Variants in RAB23 observed in about 807,000 individuals in gnomAD.
RAB23 encodes RAB23, member RAS oncogene family, also known as ras-related protein Rab-23.
In RAB23, 15 loss-of-function variants were observed where a neutral mutation model predicts 30.0. The observed-to-expected ratio is 0.50, with a 90% CI of 0.33 to 0.77. The LOEUF (loss-of-function observed/expected upper bound fraction) is 0.77, where lower values mean the gene tolerates loss of function less well. RAB23 is among the 30% of genes least tolerant of loss of function. The probability of loss-of-function intolerance (pLI) is 0.02; values close to 1 mark genes in which losing one functional copy is unlikely to be tolerated. For missense variants in RAB23, 243 were observed against 275.4 expected (o/e 0.88, Z 0.83); for synonymous variants, 93 against 94.0 (o/e 0.99, Z 0.06).
chr6:57,219,321 C>T (rs1198250676), intron 1 of RAB23, among the ~76,000 whole-genome samples: 3 of 152,092 alleles, frequency 2.0e-5, no homozygotes, highest in Non-Finnish European at 4.4e-5. Context: ...AAACACTAAA[C>T]AAATCAAAGA....
In RAB23 at chr6:57,188,498, CAT is replaced by C. The variant is rs1042798859; in HGVS notation, c.*1961_*1962del. 3.3e-5 allele frequency: 5 copies of C among 152,016 alleles called. No individual in the cohort carries two copies. Among genetic ancestry groups the C allele is most frequent in the Non-Finnish European group, 5.9e-5 (4 of 67,994 alleles). The allele number at this position is 152,016 out of a possible 1,614,324, so 9.4% of individuals were successfully genotyped here. A position where few individuals can be genotyped will look rare whatever the true frequency, so the allele number is the denominator to read the frequency against. On this transcript the variant is annotated 3_prime_UTR_variant, in exon 7 of 7. Coordinates refer to ENST00000468148, the MANE Select transcript of RAB23 (RefSeq NM_016277.5). Reference sequence around the variant, plus strand: ...ACATGAAAAAGAACTAACTAGAACACATATAACAAGTGATTTTTCTGCCAATA... The same window carrying C: ...ACATGAAAAAGAACTAACTAGAACACATAACAAGTGATTTTTCTGCCAATA...
intron 3 of RAB23, among the ~76,000 whole-genome samples, chr6:57,200,421 C>T (rs1220966486): frequency 1.3e-5 from 2 of 149,930 alleles, no homozygotes; most frequent in East Asian, 3.9e-4. Flanking sequence ...CCTGTAGTCC[C>T]AGCTACTTGG....
intron 1 of RAB23, among the ~76,000 whole-genome samples, chr6:57,211,685 CAAAT>C (rs909324246): frequency 2.0e-5 from 3 of 152,140 alleles, no homozygotes; most frequent in African/African-American, 7.2e-5. Context: ...GAATCCTGTA[CAAAT>C]AAATATCTTA....
chr6:57,191,336 A>C (rs1342557684), intron 6 of RAB23, among the ~76,000 whole-genome samples: 1 of 152,230 alleles, frequency 6.6e-6, no homozygotes, highest in Admixed American at 6.5e-5. Context: ...ATATAAGCTA[A>C]AATGCATATA....
intron 1 of RAB23, among the ~76,000 whole-genome samples, chr6:57,211,563 C>T (rs765410511): frequency 2.2e-4 from 34 of 152,186 alleles, no homozygotes; most frequent in Non-Finnish European, 4.4e-4. Context: ...TTCAACCTCA[C>T]AGGTAATAAT....
chr6:57,188,862 C>T lies in RAB23; in HGVS notation c.*1599G>A, dbSNP rs1021199070. The T allele has an allele frequency of 3.3e-5, 5 of 151,854 alleles. No individual in the cohort carries two copies. The highest frequency in any genetic ancestry group is 3.3e-4 in the Admixed American group (5 of 15,230). The allele number at this position is 151,854 out of a possible 1,614,324, so 9.4% of individuals were successfully genotyped here. A position where few individuals can be genotyped will look rare whatever the true frequency, so the allele number is the denominator to read the frequency against. On this transcript the variant is annotated 3_prime_UTR_variant, in exon 7 of 7. Coordinates refer to ENST00000468148, the MANE Select transcript of RAB23 (RefSeq NM_016277.5). ...CTTTTGATCACTTAACAAGGACACA[C>T]CCAGGAAATTTGATTTTCTCAACAT...
Position 57,206,327 on chromosome 6 carries a change from G to A in RAB23, c.241+1301C>T, listed in dbSNP as rs182492203. Among the ~76,000 whole-genome samples, 22 of 152,260 alleles carry A rather than the reference G, an allele frequency of 1.4e-4. No individual in the cohort carries two copies. In the East Asian group the frequency reaches 2.7e-3, roughly 19 times the overall value. ...AAGCTCTCGATGGTTTCAAGACAGC[G>A]TCTGGATATTAAAGTTAGCAAGCCA... On this transcript the variant is annotated intron_variant, in intron 3 of 6. Transcript: ENST00000468148.
chr6:57,202,607 C>A (rs1027818256), intron 3 of RAB23, among the ~76,000 whole-genome samples: 3 of 152,124 alleles, frequency 2.0e-5, no homozygotes, highest in African/African-American at 7.2e-5. Flanking sequence ...ACCGGTACCA[C>A]ACAGGGAAGA....
chr6:57,219,178 T>C (rs983554045), intron 1 of RAB23, among the ~76,000 whole-genome samples: 1 of 152,248 alleles, frequency 6.6e-6, no homozygotes, highest in African/African-American at 2.4e-5. Context: ...TTCAATTGTA[T>C]TTCTGTGTAC....
chr6:57,207,673 C>CA lies in RAB23; in HGVS notation c.195dup (p.Ala66CysfsTer7). The CA allele has an allele frequency of 6.2e-7, 1 of 1,605,844 alleles. No individual in the cohort carries two copies. The highest frequency in any genetic ancestry group is 1.1e-5 in the South Asian group (1 of 90,838). On this transcript the variant is annotated frameshift_variant, in exon 3 of 7. Transcript: ENST00000468148. LOFTEE classifies it high-confidence loss of function. ...ATTGCATCAAATTCCTCCTGACCTG[C>CA]AGTGTCCCATAACATTAGTCTGACA...
At chr6:57,208,365 C>T (rs956258709) in intron 2 of RAB23, among the ~76,000 whole-genome samples, 1 of 151,822 alleles carries the variant, frequency 6.6e-6, no homozygotes, top group Admixed American at 6.6e-5. Flanking sequence ...AGCAATTTAC[C>T]GCCAGTCACG....
chr6:57,197,192 A>G (rs554785682), intron 3 of RAB23, among the ~76,000 whole-genome samples: 4 of 152,268 alleles, frequency 2.6e-5, no homozygotes, highest in Non-Finnish European at 4.4e-5. Context: ...GATCCTAAGG[A>G]ACATAATTTG....
At chr6:57,196,057 C>G (rs994895562) in intron 4 of RAB23, among the ~76,000 whole-genome samples, 1 of 151,982 alleles carries the variant, frequency 6.6e-6, no homozygotes, top group African/African-American at 2.4e-5. Context: ...TGAATCTGAA[C>G]CCTTAATTAA....
At chr6:57,221,426 G>C (rs1242704498) in intron 1 of RAB23, 1 of 152,274 alleles carries the variant, frequency 6.6e-6, no homozygotes, top group African/African-American at 2.4e-5. Flanking sequence ...GCACAATTTG[G>C]CTCATTCATA....
At chr6:57,191,275 T>C (rs2127996672) in intron 6 of RAB23, among the ~76,000 whole-genome samples, 1 of 152,270 alleles carries the variant, frequency 6.6e-6, no homozygotes, top group South Asian at 2.1e-4. Context: ...ACCCCTAAGG[T>C]ACGCATGTTA....
In RAB23 at chr6:57,188,442, G is replaced by A. The variant is rs892411267; in HGVS notation, c.*2019C>T. 2.6e-5 allele frequency: 4 copies of A among 152,036 alleles called. No individual in the cohort carries two copies. The highest frequency in any genetic ancestry group is 4.4e-5 in the Non-Finnish European group (3 of 67,992). 9.4% of individuals were successfully genotyped at this position (152,036 alleles called of 1,614,324 possible). A position where few individuals can be genotyped will look rare whatever the true frequency, so the allele number is the denominator to read the frequency against. On this transcript the variant is annotated 3_prime_UTR_variant, in exon 7 of 7. Coordinates refer to ENST00000468148, the MANE Select transcript of RAB23 (RefSeq NM_016277.5). ...TCAGAGATTACTTTTTTTAAATATAGAAAGGTAACACGCTTTTAGCCACAC... is the reference window on the plus strand; with the variant it reads ...TCAGAGATTACTTTTTTTAAATATAAAAAGGTAACACGCTTTTAGCCACAC...
intron 3 of RAB23, among the ~76,000 whole-genome samples, chr6:57,200,645 G>C (rs12211611): frequency 0.24 from 36,453 of 151,508 alleles, 4,785 homozygotes; most frequent in African/African-American, 0.36. Context: ...ATCACCACCT[G>C]CTTCATCTCA....
chr6:57,196,763 CTTCTT>C (rs749011689), intron 3 of RAB23, among the ~76,000 whole-genome samples, 157 bp from the exon 4 acceptor site: 66 of 152,294 alleles, frequency 4.3e-4, no homozygotes, highest in East Asian at 9.6e-4. Flanking sequence ...TTGTACTACT[CTTCTT>C]TACTTTTCAA....
chr6:57,189,326 T>G lies in RAB23; in HGVS notation c.*1135A>C, dbSNP rs1764741719. 1 of 152,236 alleles carries G rather than the reference T, an allele frequency of 6.6e-6. No homozygotes were observed. Among genetic ancestry groups the G allele is most frequent in the Non-Finnish European group, 1.5e-5 (1 of 68,030 alleles). The allele number at this position is 152,236 out of a possible 1,614,324, so 9.4% of individuals were successfully genotyped here. On this transcript the variant is annotated 3_prime_UTR_variant, in exon 7 of 7. Coordinates refer to ENST00000468148, the MANE Select transcript of RAB23 (RefSeq NM_016277.5). ...AAAATGTGTAAACAAAAGGATGGTTTAGAGTTGCAGGGCATTATAAAATAT... is the reference window on the plus strand; with the variant it reads ...AAAATGTGTAAACAAAAGGATGGTTGAGAGTTGCAGGGCATTATAAAATAT...
Sources: gnomAD v4.1 joint callset for allele counts (sites outside exome capture counted in the v4.1 genomes callset) on GRCh38, gnomAD v4.1.1 for gene constraint, MANE v1.5 for transcripts, NCBI Gene and HGNC (gene_info 2026-07-23, HGNC 2026-07-21) for gene names.